PRCD: variants seen among roughly 807,000 people sequenced by gnomAD.
PRCD encodes the protein photoreceptor disc component, also known as photoreceptor disk component PRCD.
A neutral mutation model predicts 10.1 loss-of-function variants in PRCD; 12 were observed. That is an observed-to-expected ratio of 1.18 (90% CI 0.76 to 1.92). PRCD has a LOEUF of 1.92. PRCD is among the 40% of genes most tolerant of loss of function. The pLI is 0.00. For synonymous variants in PRCD, 31 were observed against 26.2 expected (o/e 1.18, Z -0.56); for missense variants, 61 against 72.2 (o/e 0.84, Z 0.56).
At chr17:76,551,234 C>T (rs1176055873) in intron 1 of PRCD, 1 of 152,202 alleles carries the variant, frequency 6.6e-6, no homozygotes, top group Non-Finnish European at 1.5e-5. Context: ...AACACCACCA[C>T]AAGCAAAGGT....
At position 76,543,791 on chromosome 17, in the gene PRCD, G is replaced by A. The variant is rs1402075621; in HGVS notation, c.*153-12G>A. 1 of 470,814 alleles carries A rather than the reference G, an allele frequency of 2.1e-6. No individual in the cohort carries two copies. Among genetic ancestry groups the A allele is most frequent in the East Asian group, 6.9e-5 (1 of 14,404 alleles). The allele number at this position is 470,814 out of a possible 1,614,324, so 29.2% of individuals were successfully genotyped here. ...AGTGGCACTCGCTTTTGTGTCATTT[G>A]CCTTTCCCCAGTTCCCAGAGCTCAT... On this transcript the variant is annotated splice_polypyrimidine_tract_variant and intron_variant, in intron 4 of 4. Coordinates refer to ENST00000592014, the MANE Select transcript of PRCD (RefSeq NM_001077620.3).
At chr17:76,538,592 T>A, upstream of PRCD, 1 of 432,924 alleles carries the variant, frequency 2.3e-6, no homozygotes, top group Non-Finnish European at 4.8e-6. Flanking sequence ...AGACAGGACC[T>A]GGCAGACAAA....
chr17:76,531,318 T>G lies in PRCD; in HGVS notation n.45+3485T>G. ...TGCCCTGGACCCAGCCCCTCCATCC[T>G]GCTGCCGGGCACTGCCCCTCCCTCT... On this transcript the variant is annotated intron_variant and non_coding_transcript_variant, in intron 1 of 4. Transcript: ENST00000397633. The surrounding 1 kb of genome is among the most constrained non-coding windows in gnomAD (Gnocchi z 7.4). 1.6e-6 allele frequency: 2 copies of G among 1,225,142 alleles called. No individual in the cohort carries two copies. Among genetic ancestry groups the G allele is most frequent in the Admixed American group, 2.4e-5 (1 of 41,852 alleles). 75.9% of individuals were successfully genotyped at this position (1,225,142 alleles called of 1,614,324 possible).
At chr17:76,543,371 G>C in intron 4 of PRCD, 1 of 340,766 alleles carries the variant, frequency 2.9e-6, no homozygotes, top group Non-Finnish European at 5.8e-6. Flanking sequence ...CCAGGCAAGA[G>C]GCAGGAATAA....
chr17:76,545,646 T>G (rs2075046957), downstream of PRCD: 5 of 320,584 alleles, frequency 1.6e-5, no homozygotes, highest in Admixed American at 1.6e-4. Flanking sequence ...GGTAAGTTTC[T>G]GAACACCTCT....
upstream of PRCD, chr17:76,537,423 G>C: frequency 6.3e-7 from 1 of 1,597,850 alleles, no homozygotes; most frequent in Non-Finnish European, 8.5e-7. Context: ...CCACCCCCAC[G>C]TCCTCGCAGT....
chr17:76,529,265 G>A, intron 1 of PRCD: 1 of 985,458 alleles, frequency 1.0e-6, no homozygotes, highest in Non-Finnish European at 1.2e-6. Flanking sequence ...GGGTGGGCTA[G>A]AGGGTGTAAA....
intron 1 of PRCD, among the ~76,000 whole-genome samples, chr17:76,534,086 G>A (rs373407247): frequency 2.9e-5 from 1 of 34,052 alleles, no homozygotes; most frequent in African/African-American, 9.2e-5. Flanking sequence ...CAATGTTATT[G>A]TACCTTTTTT....
chr17:76,529,197 G>A (rs2074803798), intron 1 of PRCD: 5 of 985,178 alleles, frequency 5.1e-6, no homozygotes, highest in Admixed American at 6.2e-5. Flanking sequence ...TCCTACCCTC[G>A]AGCCCATGGG....
rs1181769789 is a variant in PRCD at position 76,528,843 on chromosome 17, A to G, written n.45+1010A>G. 3.3e-6 allele frequency: 4 copies of G among 1,212,638 alleles called. No homozygotes were observed. The highest frequency in any genetic ancestry group is 4.1e-6 in the Non-Finnish European group (4 of 971,002). The allele number at this position is 1,212,638 out of a possible 1,614,324, so 75.1% of individuals were successfully genotyped here. On this transcript the variant is annotated intron_variant and non_coding_transcript_variant, in intron 1 of 4. Coordinates refer to the PRCD transcript ENST00000397633. This position sits in a 1 kb window ranked among gnomAD's most constrained non-coding sequence, Gnocchi z 5.8. ...ATGGGAGCTCCGGATCTTTTTCTCT[A>G]AAATGTGAATAATGTCTGTCTTGTG... is the stretch of plus-strand genomic sequence containing the variant.
Position 76,530,959 on chromosome 17 carries a change from A to AC in PRCD, n.45+3129dup. The AC allele has an allele frequency of 1.9e-6, 3 of 1,553,958 alleles. No homozygotes were observed. In the South Asian group the frequency reaches 3.5e-5, roughly 18 times the overall value. ...ACATGGCGGGGAGGCTGCCCAGCCC[A>AC]CCCTCGCCCGCCTCCTCACGTGGTG... On this transcript the variant is annotated intron_variant and non_coding_transcript_variant, in intron 1 of 4. Coordinates refer to the PRCD transcript ENST00000397633. The surrounding 1 kb of genome is among the most constrained non-coding windows in gnomAD (Gnocchi z 6.1).
At chr17:76,549,380 C>T (rs150687468), downstream of PRCD, among the ~76,000 whole-genome samples, 44 of 152,352 alleles carry the variant, frequency 2.9e-4, 2 homozygotes, top group African/African-American at 1.0e-3. Flanking sequence ...GTAATACCAG[C>T]ACTTTGGGAA....
In PRCD at chr17:76,534,170, CTCTCTCTT is replaced by C. The variant is rs1446550219; in HGVS notation, n.46-6331_46-6324del. ...TTTCTCTCTCTCTCTCTCTCTCTCT[CTCTCTCTT>C]TCTTTCTTTCTTTCTTGAGACAGAA... is the stretch of plus-strand genomic sequence containing the variant. On this transcript the variant is annotated intron_variant and non_coding_transcript_variant, in intron 1 of 4. Coordinates refer to the PRCD transcript ENST00000397633. Among the ~76,000 whole-genome samples the C allele has an allele frequency of 4.8e-3, 701 of 145,012 alleles. 4 individuals are homozygous for C. Among genetic ancestry groups the C allele is most frequent in the African/African-American group, 0.017 (655 of 37,820 alleles).
In PRCD at chr17:76,531,844, A is replaced by G; in HGVS notation, n.45+4011A>G. ...CACTACCATCAGTAGACCTCAGCAT[A>G]GACCCTCCTCCCTCTGGCCAAGCCG... is the stretch of plus-strand genomic sequence containing the variant. On this transcript the variant is annotated intron_variant and non_coding_transcript_variant, in intron 1 of 4. Transcript: ENST00000397633. This position sits in a 1 kb window ranked among gnomAD's most constrained non-coding sequence, Gnocchi z 7.4. 1.6e-6 allele frequency: 1 copy of G among 638,020 alleles called. No homozygotes were observed. The highest frequency in any genetic ancestry group is 2.7e-6 in the Non-Finnish European group (1 of 375,626). 39.5% of individuals were successfully genotyped at this position (638,020 alleles called of 1,614,324 possible). A position where few individuals can be genotyped will look rare whatever the true frequency, so the allele number is the denominator to read the frequency against.
chr17:76,527,899 A>G (rs1598198922), intron 1 of PRCD: 1 of 434,140 alleles, frequency 2.3e-6, no homozygotes, highest in Non-Finnish European at 4.7e-6. Context: ...GGAATTCAGG[A>G]ATGTGGGGAG....
chr17:76,531,852 C>T lies in PRCD; in HGVS notation n.45+4019C>T. ...TCAGTAGACCTCAGCATAGACCCTC[C>T]TCCCTCTGGCCAAGCCGGCTCACCC... On this transcript the variant is annotated intron_variant and non_coding_transcript_variant, in intron 1 of 4. Coordinates refer to the PRCD transcript ENST00000397633. This position sits in a 1 kb window ranked among gnomAD's most constrained non-coding sequence, Gnocchi z 7.4. The T allele has an allele frequency of 1.6e-6, 1 of 612,448 alleles. No individual in the cohort carries two copies. Among genetic ancestry groups the T allele is most frequent in the South Asian group, 2.1e-5 (1 of 46,832 alleles). 37.9% of individuals were successfully genotyped at this position (612,448 alleles called of 1,614,324 possible). A position where few individuals can be genotyped will look rare whatever the true frequency, so the allele number is the denominator to read the frequency against.
intron 1 of PRCD, among the ~76,000 whole-genome samples, chr17:76,534,897 T>C (rs1267256314): frequency 6.6e-6 from 1 of 152,232 alleles, no homozygotes; most frequent in African/African-American, 2.4e-5. Context: ...TCCTTCCTCC[T>C]GGCTCTGCGG....
upstream of PRCD, chr17:76,538,336 T>G: frequency 3.1e-6 from 1 of 326,004 alleles, no homozygotes; most frequent in Non-Finnish European, 6.2e-6. Flanking sequence ...AGCACGGGGG[T>G]CGTCCCCCTG....
chr17:76,535,620 T>C (rs1157940358), upstream of PRCD, among the ~76,000 whole-genome samples: 1 of 152,104 alleles, frequency 6.6e-6, no homozygotes, highest in East Asian at 1.9e-4. Context: ...GCATTGGTAA[T>C]GACCTCCCCC....
Sources: allele counts gnomAD v4.1 joint callset (sites outside exome capture counted in the v4.1 genomes callset), GRCh38; gene constraint gnomAD v4.1.1; non-coding constraint Gnocchi (gnomAD v3.1); transcripts MANE v1.5; gene names NCBI Gene and HGNC (gene_info 2026-07-23, HGNC 2026-07-21).